Variants in FN1 observed in about 807,000 individuals in gnomAD.
FN1 encodes the protein fibronectin.
FN1 carries 106 observed loss-of-function variants against 297.3 expected under a neutral mutation model. The observed-to-expected ratio is 0.36, with a 90% CI of 0.30 to 0.42. The LOEUF is 0.42. Ranked by LOEUF, FN1 falls within the 10% of genes least tolerant of loss-of-function variation. The probability of loss-of-function intolerance (pLI) is 1.00; values close to 1 mark genes in which losing one functional copy is unlikely to be tolerated. For synonymous variants in FN1, 1,149 were observed against 1,152.6 expected (o/e 1.00, Z 0.06); for missense variants, 2,690 against 3,124.9 (o/e 0.86, Z 3.32).
At chr2:215,411,520 C>T (rs980975944) in intron 13 of FN1, among the ~76,000 whole-genome samples, 2 of 152,052 alleles carry the variant, frequency 1.3e-5, no homozygotes, top group African/African-American at 4.8e-5. Context: ...TCAACATGAG[C>T]TTGTTTGGTT....
intron 32 of FN1, 94 bp from the exon 33 acceptor site, chr2:215,381,174 T>C: frequency 2.4e-6 from 3 of 1,253,224 alleles, no homozygotes; most frequent in Non-Finnish European, 3.5e-6. Flanking sequence ...AGATACCATT[T>C]TCTTTGATGA....
At chr2:215,434,632 A>G in intron 2 of FN1, 64 bp downstream of exon 2, 6 of 1,590,394 alleles carry the variant, frequency 3.8e-6, no homozygotes, top group Non-Finnish European at 5.2e-6. Context: ...TTACTAATGC[A>G]AAGTTTAACA....
chr2:215,410,401 T>C (rs1349137207), intron 13 of FN1, among the ~76,000 whole-genome samples: 1 of 152,182 alleles, frequency 6.6e-6, no homozygotes, highest in East Asian at 1.9e-4. Context: ...TCCATATCCT[T>C]CTGATGATAA....
At chr2:215,420,033 T>C (rs2064006120) in intron 11 of FN1, among the ~76,000 whole-genome samples, 1 of 152,168 alleles carries the variant, frequency 6.6e-6, no homozygotes, top group African/African-American at 2.4e-5. Context: ...ACTATTTGCT[T>C]AGTTCTATTT....
intron 34 of FN1, among the ~76,000 whole-genome samples, chr2:215,378,828 G>C (rs1559375008): frequency 6.6e-6 from 1 of 152,116 alleles, no homozygotes; most frequent in African/African-American, 2.4e-5. Flanking sequence ...GCATAACTAA[G>C]TCGATTTATG....
At chr2:215,375,443 T>C in intron 37 of FN1, 50 bp from the exon 38 acceptor site, 2 of 1,541,520 alleles carry the variant, frequency 1.3e-6, no homozygotes. Flanking sequence ...ACCAAGAAAA[T>C]TACTCCCACA....
intron 23 of FN1, among the ~76,000 whole-genome samples, chr2:215,396,121 G>T (rs755418663): frequency 6.6e-6 from 1 of 152,098 alleles, no homozygotes; most frequent in African/African-American, 2.4e-5. Flanking sequence ...GCAAAGATAA[G>T]AACTATATAA....
At chr2:215,379,620 T>C (rs1327533954) in intron 33 of FN1, 1 of 299,760 alleles carries the variant, frequency 3.3e-6, no homozygotes, top group East Asian at 7.6e-5. Flanking sequence ...AAAAGTTACA[T>C]TGGCTTATTG....
At position 215,394,637 on chromosome 2, in the gene FN1, C is replaced by G; in HGVS notation, c.3687G>C (p.Gln1229His). ...NSLEEVVHAD[Q>H]SSCTFDNLSP... ...TCAGGTTATCAAAAGTGCAGGAGCT[C>G]TGATCAGCATGGACCACTTCTTCCA... Residue 1229 changes from glutamine (Q) to histidine (H), a missense_variant, in exon 24 of 46, where the codon CAG becomes CAC. Gln to His is a conservative substitution (Grantham distance 24). Transcript: ENST00000354785. The G allele has an allele frequency of 1.2e-6, 2 of 1,614,120 alleles. No homozygotes were observed. The highest frequency in any genetic ancestry group is 1.7e-6 in the Non-Finnish European group (2 of 1,179,966).
intron 45 of FN1, 167 bp from the exon 46 acceptor site, chr2:215,361,793 G>C (rs2053499828): frequency 2.0e-6 from 1 of 496,388 alleles, no homozygotes; most frequent in African/African-American, 2.1e-5. Context: ...AGATGTTCAA[G>C]AGTTACATAA....
At position 215,435,969 on chromosome 2, in the gene FN1, G is replaced by A. The variant is rs1271624464; in HGVS notation, c.-167C>T. The A allele has an allele frequency of 2.9e-6, 4 of 1,383,668 alleles. No individual in the cohort carries two copies. The highest frequency in any genetic ancestry group is 1.5e-5 in the African/African-American group (1 of 68,738). The allele number at this position is 1,383,668 out of a possible 1,614,324, so 85.7% of individuals were successfully genotyped here. ...GAAGGGGACGGGTGGAGGGACAGAA[G>A]GGATGCAGAGGACCAGAGAAGTTGT... On this transcript the variant is annotated 5_prime_UTR_variant, in exon 1 of 46. Transcript: ENST00000354785.
chr2:215,409,942 G>T lies in FN1; in HGVS notation c.2114C>A (p.Pro705His). The change falls in exon 14 of 46, where the codon CCT becomes CAT. Residue 705 changes from proline (P) to histidine (H), a missense_variant. Pro to His is a moderately conservative substitution (Grantham distance 77, BLOSUM62 -2). Transcript: ENST00000354785. ...FDFTTTSTST[P>H]VTSNTVTGET... The stretch of plus-strand genomic sequence containing the variant: ...GGTGGTTGTGTACATACTGGTCACA[G>T]GTGTGCTGGTGCTGGTGGTGGTGAA... 6.2e-7 allele frequency: 1 copy of T among 1,613,854 alleles called. No individual in the cohort carries two copies. The highest frequency in any genetic ancestry group is 8.5e-7 in the Non-Finnish European group (1 of 1,180,004).
In FN1 at chr2:215,435,570, G is replaced by C; in HGVS notation, c.148+85C>G. 4 of 1,576,000 alleles carry C rather than the reference G, an allele frequency of 2.5e-6. No individual in the cohort carries two copies. In the African/African-American group the frequency reaches 4.0e-5, roughly 16 times the overall value. ...CGCGCACACACTCGCACACACGCGC[G>C]CGCACAAAACTTCAGCCCCAACTTT... On this transcript the variant is annotated intron_variant, in intron 1 of 45. Coordinates refer to ENST00000354785, the MANE Select transcript of FN1 (RefSeq NM_212482.4).
chr2:215,374,252 A>C (rs528375227), intron 38 of FN1, among the ~76,000 whole-genome samples: 8 of 150,598 alleles, frequency 5.3e-5, no homozygotes, highest in Non-Finnish European at 3.0e-5. Flanking sequence ...GTCTGCTTCT[A>C]TTTTCCTGTT....
intron 3 of FN1, 143 bp from the exon 4 acceptor site, chr2:215,432,107 T>G (rs2106527754): frequency 1.1e-6 from 1 of 911,474 alleles, no homozygotes; most frequent in South Asian, 1.4e-5. Flanking sequence ...GGGGAAACGT[T>G]AACAGGTCTG....
chr2:215,394,491 G>T, intron 24 of FN1, 37 bp downstream of exon 24: 1 of 1,501,036 alleles, frequency 6.7e-7, no homozygotes, highest in South Asian at 1.1e-5. Flanking sequence ...CTTATTGGAA[G>T]TGTCACTCTC....
intron 6 of FN1, among the ~76,000 whole-genome samples, chr2:215,425,900 A>G (rs2065255505): frequency 6.6e-6 from 1 of 151,770 alleles, no homozygotes; most frequent in Non-Finnish European, 1.5e-5. Context: ...CACAGACATC[A>G]TCCTGCCACT....
intron 30 of FN1, 139 bp downstream of exon 30, chr2:215,383,881 G>T: frequency 1.1e-6 from 1 of 899,780 alleles, no homozygotes; most frequent in Non-Finnish European, 1.7e-6. Context: ...AACTCTGTTC[G>T]CTGCAGGTGC....
chr2:215,397,165 T>G lies in FN1; in HGVS notation c.3576A>C (p.Thr1192=), dbSNP rs928016762. ...LEANPDTGVL[T]VSWERSTTPD... ...GGGTGGTGCTCCTCTCCCAGGAGAC[T>G]GTGAGCACTCCAGTGTCAGGGTTTG... Residue 1192 remains threonine (T), a synonymous_variant, in exon 23 of 46, where the codon ACA becomes ACC. Coordinates refer to ENST00000354785, the MANE Select transcript of FN1 (RefSeq NM_212482.4). 1 of 1,613,794 alleles carries G rather than the reference T, an allele frequency of 6.2e-7. No individual in the cohort carries two copies. The highest frequency in any genetic ancestry group is 1.3e-5 in the African/African-American group (1 of 74,936).
Sources: gnomAD v4.1 joint callset for allele counts (sites outside exome capture counted in the v4.1 genomes callset) on GRCh38, gnomAD v4.1.1 for gene constraint, MANE v1.5 for transcripts, NCBI Gene and HGNC (gene_info 2026-07-23, HGNC 2026-07-21) for gene names.